KCNT1: variants seen among roughly 807,000 people sequenced by gnomAD.
KCNT1 encodes potassium sodium-activated channel subfamily T member 1, also known as potassium channel subfamily T member 1.
A neutral mutation model predicts 147.8 loss-of-function variants in KCNT1; 78 were observed. The ratio of observed to expected loss-of-function variants is 0.53; its 90% CI spans 0.44 to 0.64. KCNT1 has a LOEUF of 0.64. Among genes scored for constraint, KCNT1 ranks in the 30% least tolerant of loss-of-function variants. The pLI is 0.00. For synonymous variants in KCNT1, 867 were observed against 748.8 expected (o/e 1.16, Z -2.58); for missense variants, 1,419 against 1,750.3 (o/e 0.81, Z 3.38).
chr9:135,734,612 A>T (rs1020299961), intron 2 of KCNT1, among the ~76,000 whole-genome samples: 3 of 152,120 alleles, frequency 2.0e-5, no homozygotes, highest in Admixed American at 1.3e-4. Flanking sequence ...CTCATCCTGT[A>T]CTTCAAAGGC....
chr9:135,712,295 A>G (rs1217246327), intron 1 of KCNT1, among the ~76,000 whole-genome samples: 3 of 152,246 alleles, frequency 2.0e-5, no homozygotes, highest in African/African-American at 7.2e-5. Flanking sequence ...TTAAGCCACC[A>G]AACACAGAAT....
Position 135,757,171 on chromosome 9 carries a change from C to T in KCNT1, c.616C>T (p.Gln206Ter), listed in dbSNP as rs1192150242. 1 of 1,499,102 alleles carries T rather than the reference C, an allele frequency of 6.7e-7. No individual in the cohort carries two copies. Among genetic ancestry groups the T allele is most frequent in the Admixed American group, 1.8e-5 (1 of 55,758 alleles). 92.9% of individuals were successfully genotyped at this position (1,499,102 alleles called of 1,614,324 possible). ...TTGGCCCCAGGGCAACATCTGGGAG[C>T]AGATCTTCCGCGTGTCCTTCGTCCT... ...YLSYKGNIWE[Q>*]IFRVSFVLEM... The change falls in exon 8 of 31, where the codon CAG (glutamine) becomes TAG (stop). Residue 206 changes from glutamine (Q) to a stop codon, truncating the protein, a stop_gained. Transcript: ENST00000371757. LOFTEE classifies it high-confidence loss of function.
At chr9:135,760,173 G>A (rs1375667792) in intron 11 of KCNT1, among the ~76,000 whole-genome samples, 8 of 152,170 alleles carry the variant, frequency 5.3e-5, no homozygotes, top group Admixed American at 3.3e-4. Flanking sequence ...AAGGGTCAAG[G>A]TGGACAGCCG....
chr9:135,719,918 C>T (rs1835859608), intron 2 of KCNT1, among the ~76,000 whole-genome samples: 1 of 152,346 alleles, frequency 6.6e-6, no homozygotes, highest in African/African-American at 2.4e-5. Flanking sequence ...TCATTAGCTC[C>T]TCTGACAACA....
chr9:135,736,502 C>G (rs1830339686), intron 2 of KCNT1: 1 of 152,052 alleles, frequency 6.6e-6, no homozygotes, highest in Non-Finnish European at 1.5e-5. Context: ...CCCCAGCCCC[C>G]CAGCCCCGGC....
At chr9:135,746,093 T>A (rs1280753453) in intron 2 of KCNT1, among the ~76,000 whole-genome samples, 1 of 152,166 alleles carries the variant, frequency 6.6e-6, no homozygotes, top group Non-Finnish European at 1.5e-5. Flanking sequence ...AAATGGATCG[T>A]TTTCATCTCC....
Position 135,747,169 on chromosome 9 carries a change from G to A in KCNT1, c.255-2929G>A, listed in dbSNP as rs576796135. ...AGCGGAGGGGAGAACAACAGAGCTC[G>A]GGGAGGCCGTGCTGAGAGGCCCAGG... On this transcript the variant is annotated intron_variant, in intron 2 of 30. Transcript: ENST00000371757. 1.3e-4 allele frequency among the ~76,000 whole-genome samples: 20 copies of A among 152,204 alleles called. No homozygotes were observed. In the South Asian group the frequency reaches 3.3e-3, roughly 25 times the overall value.
At chr9:135,737,739 G>C (rs538419763) in intron 2 of KCNT1, among the ~76,000 whole-genome samples, 88 of 152,278 alleles carry the variant, frequency 5.8e-4, no homozygotes, top group African/African-American at 2.0e-3. Flanking sequence ...GGGTGCCCAG[G>C]AGCCTCTCCC....
intron 25 of KCNT1, 91 bp from the exon 26 acceptor site, chr9:135,784,444 A>G: frequency 1.1e-6 from 1 of 948,946 alleles, no homozygotes. Context: ...TGGGGTATGG[A>G]CCTGTGTCCC....
chr9:135,717,928 G>T (rs1466345568), intron 2 of KCNT1, among the ~76,000 whole-genome samples: 1 of 152,236 alleles, frequency 6.6e-6, no homozygotes, highest in African/African-American at 2.4e-5. Context: ...TGACCCCGAT[G>T]CTGGAATGGG....
intron 29 of KCNT1, among the ~76,000 whole-genome samples, chr9:135,786,948 C>T (rs533500401): frequency 1.8e-4 from 28 of 152,222 alleles, no homozygotes; most frequent in Non-Finnish European, 1.5e-5. Flanking sequence ...AAGTCGAGGG[C>T]ATCAGCTAGA....
chr9:135,750,607 G>A (rs1831097530), intron 3 of KCNT1: 3 of 473,948 alleles, frequency 6.3e-6, no homozygotes, highest in Non-Finnish European at 1.1e-5. Flanking sequence ...GATTGCAGGT[G>A]AGGACTTGGG....
intron 11 of KCNT1, among the ~76,000 whole-genome samples, chr9:135,764,585 C>T (rs1434386480): frequency 2.6e-5 from 4 of 152,316 alleles, no homozygotes; most frequent in South Asian, 4.2e-4. Flanking sequence ...ATCTGGGGAG[C>T]ATGAGCCAGG....
intron 29 of KCNT1, chr9:135,790,761 C>G (rs550801798): frequency 6.6e-6 from 1 of 152,482 alleles, no homozygotes; most frequent in Admixed American, 6.5e-5. Flanking sequence ...TGGGGTCCCC[C>G]GTCCTGGGTC....
intron 24 of KCNT1, 22 bp downstream of exon 24, chr9:135,779,492 C>T (rs780705642): frequency 2.7e-6 from 4 of 1,503,680 alleles, no homozygotes; most frequent in South Asian, 1.1e-5. Context: ...TGCCCCGTGC[C>T]AGCTGCCACC....
rs549995573 is a variant in KCNT1, at chr9:135,784,671, G to A, written c.3027+53G>A. The A allele has an allele frequency of 8.8e-5, 142 of 1,609,464 alleles. 1 individual carries two copies. In the South Asian group the frequency reaches 1.4e-3, roughly 15 times the overall value. ...GGGGCGTGCTGGGCTGTCCAAGTGG[G>A]TGGATGGGCACCTGCCCCTGATTCA... On this transcript the variant is annotated intron_variant, in intron 26 of 30. Coordinates refer to ENST00000371757, the MANE Select transcript of KCNT1 (RefSeq NM_020822.3).
intron 2 of KCNT1, among the ~76,000 whole-genome samples, chr9:135,726,458 G>T (rs1836144988): frequency 6.6e-6 from 1 of 152,076 alleles, no homozygotes; most frequent in Non-Finnish European, 1.5e-5. Flanking sequence ...TGTGGCCAGG[G>T]CCGCATCTTT....
In KCNT1 at chr9:135,778,476, A is replaced by G; in HGVS notation, c.2575A>G (p.Met859Val). The change falls in exon 22 of 31, where the codon ATG (methionine) becomes GTG (valine). Residue 859 changes from methionine (M) to valine (V), a missense_variant. By Grantham distance (21) the Met-to-Val change is conservative. Around this residue, in one of 5 missense-constraint regions of KCNT1, gnomAD observed 247 missense variants for 397.1 expected, o/e 0.62. Transcript: ENST00000371757. ...AICCFPMVYY[M>V]EGSVDNLDSL... The stretch of plus-strand genomic sequence containing the variant: ...CTGCTGCTTCCCCATGGTCTACTAC[A>G]TGGAGGGCTCTGTGGACAAGTAAGG... 4 of 1,561,616 alleles carry G rather than the reference A, an allele frequency of 2.6e-6. No individual in the cohort carries two copies. The highest frequency in any genetic ancestry group is 2.6e-6 in the Non-Finnish European group (3 of 1,152,568).
At chr9:135,705,951 G>T (rs867177624) in intron 1 of KCNT1, among the ~76,000 whole-genome samples, 9 of 152,290 alleles carry the variant, frequency 5.9e-5, no homozygotes, top group South Asian at 2.1e-4. Context: ...GAGCAGAGGT[G>T]GGGGCATCAG....
Sources: allele counts gnomAD v4.1 joint callset (sites outside exome capture counted in the v4.1 genomes callset), GRCh38; gene constraint gnomAD v4.1.1; regional missense constraint gnomAD v4.1.1; transcripts MANE v1.5; gene names NCBI Gene and HGNC (gene_info 2026-07-23, HGNC 2026-07-21).